The following NME2 variants were observed in gnomAD, a reference collection of about 807,000 sequenced individuals.
NME2 encodes the protein nucleoside diphosphate kinase B.
In NME2, 18 loss-of-function variants were observed where a neutral mutation model predicts 17.8. The observed-to-expected ratio is 1.01, with a 90% CI of 0.70 to 1.50. The LOEUF is 1.50. Ranked by LOEUF, NME2 falls within the 40% of genes most tolerant of loss-of-function variation. NME2 has a pLI of 0.00. For synonymous variants in NME2, 74 were observed against 71.4 expected, an observed-to-expected ratio of 1.04 and a Z score of -0.19; for missense variants, 161 against 195.6, an observed-to-expected ratio of 0.82 and a Z score of 1.05.
At chr17:51,166,997 C>T (rs1247647627) in intron 2 of NME2, 41 bp downstream of exon 2, 3 of 1,609,268 alleles carry the variant, frequency 1.9e-6, no homozygotes, top group Non-Finnish European at 1.7e-6. Flanking sequence ...GCAGCCGGCT[C>T]GCGGGTGTTT....
intron 2 of NME2, 32 bp from the exon 3 acceptor site, chr17:51,168,210 G>C: frequency 4.3e-6 from 7 of 1,610,758 alleles, no homozygotes; most frequent in Non-Finnish European, 5.9e-6. Flanking sequence ...TTCCAGCTTA[G>C]CTCCTAACTG....
chr17:51,167,724 C>T (rs75711442), intron 2 of NME2, among the ~76,000 whole-genome samples: 1 of 152,084 alleles, frequency 6.6e-6, no homozygotes. Flanking sequence ...GCGGGGCTCA[C>T]GCCTATAATC....
chr17:51,171,435 A>G, intron 4 of NME2, 52 bp from the exon 5 acceptor site: 2 of 1,557,572 alleles, frequency 1.3e-6, no homozygotes, highest in Non-Finnish European at 1.8e-6. Flanking sequence ...TACCCATTAA[A>G]CAGACTTTTG....
At chr17:51,166,361 G>T (rs1474083502), upstream of NME2, 1 of 152,456 alleles carries the variant, frequency 6.6e-6, no homozygotes, top group Non-Finnish European at 1.5e-5. Flanking sequence ...CGGGTTGGGC[G>T]GCTGGGCCCT....
chr17:51,168,531 T>C (rs2049995510), intron 3 of NME2, among the ~76,000 whole-genome samples, 188 bp downstream of exon 3: 1 of 152,038 alleles, frequency 6.6e-6, no homozygotes, highest in African/African-American at 2.4e-5. Context: ...GTTAGCTGGG[T>C]GTGGTGGTGC....
intron 2 of NME2, among the ~76,000 whole-genome samples, chr17:51,167,815 C>CAAAT (rs570408675): frequency 2.4e-4 from 36 of 152,112 alleles, no homozygotes; most frequent in Non-Finnish European, 2.6e-4. Flanking sequence ...CCTGTCTCTA[C>CAAAT]AAATAAATAA....
rs1009870667 is a variant in NME2, at chr17:51,166,867, C to G, written c.37C>G (p.Pro13Ala). 6.2e-7 allele frequency: 1 copy of G among 1,613,652 alleles called. No homozygotes were observed. The highest frequency in any genetic ancestry group is 1.7e-5 in the Admixed American group (1 of 60,008). ...GGAGCGCACCTTCATCGCCATCAAG[C>G]CGGACGGCGTGCAGCGCGGCCTGGT... ...NLERTFIAIK[P>A]DGVQRGLVGE... Residue 13 changes from proline to alanine, a missense_variant, in exon 2 of 5, where the codon CCG becomes GCG. Pro to Ala is a conservative substitution (Grantham distance 27). Coordinates refer to ENST00000512737, the MANE Select transcript of NME2 (RefSeq NM_002512.4).
intron 2 of NME2, among the ~76,000 whole-genome samples, chr17:51,167,722 C>T (rs561663101): frequency 6.6e-6 from 1 of 152,196 alleles, no homozygotes; most frequent in Non-Finnish European, 1.5e-5. Flanking sequence ...GCGCGGGGCT[C>T]ACGCCTATAA....
intron 4 of NME2, among the ~76,000 whole-genome samples, chr17:51,170,553 C>G (rs1050601670): frequency 1.3e-5 from 2 of 151,542 alleles, no homozygotes; most frequent in Non-Finnish European, 2.9e-5. Flanking sequence ...TTTGGGAGGC[C>G]GAGATGGGTG....
At chr17:51,166,688 C>A in intron 1 of NME2, 139 bp from the exon 2 acceptor site, 1 of 878,920 alleles carries the variant, frequency 1.1e-6, no homozygotes, top group Non-Finnish European at 1.5e-6. Context: ...CGGCCCTGCG[C>A]GGGGCGGAAG....
intron 2 of NME2, among the ~76,000 whole-genome samples, chr17:51,167,690 C>G (rs1442691210): frequency 6.6e-6 from 1 of 152,124 alleles, no homozygotes; most frequent in African/African-American, 2.4e-5. Context: ...GGTGTCTTTA[C>G]GATTAGAACA....
intron 4 of NME2, 41 bp downstream of exon 4, chr17:51,170,090 A>C: frequency 6.8e-7 from 1 of 1,478,014 alleles, no homozygotes; most frequent in Non-Finnish European, 9.3e-7. Context: ...TTTATGCAAC[A>C]CCATTTAAAG....
Position 51,171,685 on chromosome 17 carries a change from C to T in NME2, c.*81C>T, listed in dbSNP as rs2050073122. 1.9e-6 allele frequency: 2 copies of T among 1,045,682 alleles called. No homozygotes were observed. The highest frequency in any genetic ancestry group is 3.2e-5 in the African/African-American group (2 of 62,992). 64.8% of individuals were successfully genotyped at this position (1,045,682 alleles called of 1,614,324 possible). ...GCTCTTCATTCCATTGACTTAGAGGCAACAGGATTGATCATTCTTTTATAG... is the reference window on the plus strand; with the variant it reads ...GCTCTTCATTCCATTGACTTAGAGGTAACAGGATTGATCATTCTTTTATAG... On this transcript the variant is annotated 3_prime_UTR_variant, in exon 5 of 5. Coordinates refer to ENST00000512737, the MANE Select transcript of NME2 (RefSeq NM_002512.4).
chr17:51,170,392 G>T (rs1438595805), intron 4 of NME2, among the ~76,000 whole-genome samples: 2 of 151,672 alleles, frequency 1.3e-5, no homozygotes, highest in Non-Finnish European at 2.9e-5. Context: ...CGCCTGCCTC[G>T]GCCCCCCAAG....
At position 51,171,661 on chromosome 17, in the gene NME2, C is replaced by T. The variant is rs1283682623; in HGVS notation, c.*57C>T. The T allele has an allele frequency of 7.8e-7, 1 of 1,278,774 alleles. No homozygotes were observed. Among genetic ancestry groups the T allele is most frequent in the African/African-American group, 1.5e-5 (1 of 67,590 alleles). 79.2% of individuals were successfully genotyped at this position (1,278,774 alleles called of 1,614,324 possible). The stretch of plus-strand genomic sequence containing the variant: ...CGGCGTGGTGTGTCCCTGGACACAG[C>T]TCTTCATTCCATTGACTTAGAGGCA... On this transcript the variant is annotated 3_prime_UTR_variant, in exon 5 of 5. Transcript: ENST00000512737.
At chr17:51,168,797 C>T (rs1015555727) in intron 3 of NME2, among the ~76,000 whole-genome samples, 1 of 151,890 alleles carries the variant, frequency 6.6e-6, no homozygotes, top group African/African-American at 2.4e-5. Flanking sequence ...GTAATCCCAG[C>T]GCTTTGGAAG....
chr17:51,170,128 G>A, intron 4 of NME2, 79 bp downstream of exon 4: 1 of 929,482 alleles, frequency 1.1e-6, no homozygotes, highest in Non-Finnish European at 1.5e-6. Flanking sequence ...CCTACTTTCA[G>A]AAGAATCTGT....
At chr17:51,166,993 G>A (rs747302261) in intron 2 of NME2, 37 bp downstream of exon 2, 1 of 1,609,582 alleles carries the variant, frequency 6.2e-7, no homozygotes, top group Non-Finnish European at 8.5e-7. Context: ...CGCTGCAGCC[G>A]GCTCGCGGGT....
At chr17:51,170,818 A>G (rs2050055946) in intron 4 of NME2, among the ~76,000 whole-genome samples, 1 of 151,644 alleles carries the variant, frequency 6.6e-6, no homozygotes, top group Non-Finnish European at 1.5e-5. Flanking sequence ...TTTCACACAT[A>G]GCTTCTTCCC....
Sources: gnomAD v4.1 joint callset for allele counts (sites outside exome capture counted in the v4.1 genomes callset) on GRCh38, gnomAD v4.1.1 for gene constraint, MANE v1.5 for transcripts, NCBI Gene and HGNC (gene_info 2026-07-23, HGNC 2026-07-21) for gene names.